RAP1GAP2: variants seen among roughly 807,000 people sequenced by gnomAD.
RAP1GAP2 encodes the protein RAP1 GTPase activating protein 2.
A neutral mutation model predicts 95.0 loss-of-function variants in RAP1GAP2; 27 were observed. That is an observed-to-expected ratio of 0.28 (90% CI 0.21 to 0.39). The LOEUF (loss-of-function observed/expected upper bound fraction) is 0.39. Ranked by LOEUF, RAP1GAP2 falls within the 10% of genes least tolerant of loss-of-function variation. The pLI is 1.00. For missense variants in RAP1GAP2, 771 were observed against 970.0 expected (o/e 0.79, Z 2.72); for synonymous variants, 373 against 380.9 (o/e 0.98, Z 0.24).
At chr17:3,030,511 T>A (rs1166937439) in intron 22 of RAP1GAP2, among the ~76,000 whole-genome samples, 3 of 152,216 alleles carry the variant, frequency 2.0e-5, no homozygotes, top group Non-Finnish European at 4.4e-5. Context: ...GCTACTGACG[T>A]GATGTCCTCG....
chr17:2,882,317 G>A (rs1295593607), intron 2 of RAP1GAP2, among the ~76,000 whole-genome samples: 1 of 147,044 alleles, frequency 6.8e-6, no homozygotes, highest in Non-Finnish European at 1.5e-5. Context: ...TTGGCATAGA[G>A]TCTTACTCTT....
chr17:3,016,606 C>A (rs995939691), intron 17 of RAP1GAP2, among the ~76,000 whole-genome samples: 7 of 152,352 alleles, frequency 4.6e-5, no homozygotes, highest in Middle Eastern at 3.4e-3. Flanking sequence ...CTACACATCT[C>A]GACTTTCCTG....
In RAP1GAP2 at chr17:2,796,478, G is replaced by C; in HGVS notation, c.-50G>C. ...CCACGGCCCTCTTGCGGACAGCCCC[G>C]GGGACGTCGTTGGGACATCGCTGGG... On this transcript the variant is annotated 5_prime_UTR_variant, in exon 1 of 25. Coordinates refer to ENST00000254695, the MANE Select transcript of RAP1GAP2 (RefSeq NM_015085.5). This position sits in a 1 kb window ranked among gnomAD's most constrained non-coding sequence, Gnocchi z 4.7. 6.5e-7 allele frequency: 1 copy of C among 1,549,170 alleles called. No homozygotes were observed. Among genetic ancestry groups the C allele is most frequent in the East Asian group, 2.4e-5 (1 of 40,966 alleles).
intron 11 of RAP1GAP2, among the ~76,000 whole-genome samples, chr17:2,988,932 G>A (rs897014580): frequency 5.9e-5 from 9 of 152,074 alleles, no homozygotes; most frequent in Non-Finnish European, 8.8e-5. Flanking sequence ...GGTAGTGGGC[G>A]CCTGTAGTCC....
intron 2 of RAP1GAP2, among the ~76,000 whole-genome samples, chr17:2,818,607 T>C (rs548366425): frequency 2.0e-5 from 3 of 152,086 alleles, no homozygotes; most frequent in South Asian, 4.1e-4. Flanking sequence ...GGATTGCAGG[T>C]GTGAGCCACC....
In RAP1GAP2 at chr17:3,027,661, G is replaced by A. The variant is rs184219078; in HGVS notation, c.2107+591G>A. 9.1e-4 allele frequency among the ~76,000 whole-genome samples: 139 copies of A among 152,136 alleles called. 1 individual carries two copies. Among genetic ancestry groups the A allele is most frequent in the Non-Finnish European group, 1.7e-3 (117 of 68,006 alleles). ...GGATTTTGTTCTGCTAGCGGCCACT[G>A]TTGGAGTGTTTGAAGGTTCTTAAGT... On this transcript the variant is annotated intron_variant, in intron 22 of 24. Coordinates refer to ENST00000254695, the MANE Select transcript of RAP1GAP2 (RefSeq NM_015085.5). The surrounding 1 kb of genome is among the most constrained non-coding windows in gnomAD (Gnocchi z 5.2).
At chr17:2,765,191 G>C (rs1466731780) in intron 1 of RAP1GAP2, among the ~76,000 whole-genome samples, 2 of 152,164 alleles carry the variant, frequency 1.3e-5, no homozygotes, top group Non-Finnish European at 2.9e-5. Flanking sequence ...TCCTCATCCA[G>C]TACAGATGGC....
chr17:2,760,041 T>G (rs1375625263), intron 1 of RAP1GAP2, among the ~76,000 whole-genome samples: 1 of 152,066 alleles, frequency 6.6e-6, no homozygotes, highest in African/African-American at 2.4e-5. Flanking sequence ...ATGCTGCGAT[T>G]AACAAACTTT....
At position 2,874,678 on chromosome 17, in the gene RAP1GAP2, C is replaced by T. The variant is rs2073010813; in HGVS notation, c.81-30606C>T. Among the ~76,000 whole-genome samples the T allele has an allele frequency of 2.0e-5, 3 of 152,168 alleles. No individual in the cohort carries two copies. In the South Asian group the frequency reaches 6.2e-4, roughly 31 times the overall value. On this transcript the variant is annotated intron_variant, in intron 2 of 24. Transcript: ENST00000254695. ...GGAGGAAATGAGACGGTAGGTGCTA[C>T]ATCACCCATGGAAACAAAGGAGCAG...
chr17:2,963,651 C>CT lies in RAP1GAP2; in HGVS notation c.279+192dup, dbSNP rs2044448272. 6.6e-6 allele frequency among the ~76,000 whole-genome samples: 1 copy of CT among 152,186 alleles called. No homozygotes were observed. The highest frequency in any genetic ancestry group is 2.1e-4 in the South Asian group (1 of 4,834). On this transcript the variant is annotated intron_variant, in intron 6 of 24. Transcript: ENST00000254695. This position sits in a 1 kb window ranked among gnomAD's most constrained non-coding sequence, Gnocchi z 4.8. ...TTAAGTTGGGGGTGCTCATCTAGGC[C>CT]TTTCAGCCCTGGGGCTACAGGGTTG...
At chr17:2,853,422 G>GA (rs2071968569) in intron 2 of RAP1GAP2, among the ~76,000 whole-genome samples, 1 of 152,082 alleles carries the variant, frequency 6.6e-6, no homozygotes, top group Admixed American at 6.5e-5. Flanking sequence ...AAGTATCCGG[G>GA]GCCGGGCCGG....
chr17:2,921,180 G>T (rs930777682), intron 3 of RAP1GAP2, among the ~76,000 whole-genome samples: 1 of 151,782 alleles, frequency 6.6e-6, no homozygotes, highest in African/African-American at 2.4e-5. Context: ...TGAAATAAAA[G>T]GATAAAAGGA....
At chr17:2,854,533 G>A (rs1038034931) in intron 2 of RAP1GAP2, among the ~76,000 whole-genome samples, 1 of 152,246 alleles carries the variant, frequency 6.6e-6, no homozygotes, top group East Asian at 1.9e-4. Context: ...CTCTGCGCTC[G>A]GTGCCGGCAG....
intron 8 of RAP1GAP2, among the ~76,000 whole-genome samples, 187 bp from the exon 9 acceptor site, chr17:2,980,100 C>T (rs553964500): frequency 6.6e-6 from 1 of 151,948 alleles, no homozygotes; most frequent in East Asian, 1.9e-4. Context: ...GCCACCACGT[C>T]TGGCTAATTT....
intron 17 of RAP1GAP2, among the ~76,000 whole-genome samples, chr17:3,009,193 G>A (rs2046431353): frequency 6.6e-6 from 1 of 152,144 alleles, no homozygotes; most frequent in African/African-American, 2.4e-5. Flanking sequence ...CAGGACCCCT[G>A]TCAGAGCCAT....
intron 24 of RAP1GAP2, among the ~76,000 whole-genome samples, chr17:3,032,741 C>T (rs528135143): frequency 2.0e-5 from 3 of 152,288 alleles, no homozygotes; most frequent in South Asian, 4.1e-4. Context: ...CGCCCAAGCC[C>T]GCTTCTGACC....
At chr17:3,002,114 C>A (rs1332013824) in intron 14 of RAP1GAP2, among the ~76,000 whole-genome samples, 1 of 152,156 alleles carries the variant, frequency 6.6e-6, no homozygotes, top group East Asian at 1.9e-4. Context: ...AGGCACCCAC[C>A]ACCATGCCCG....
chr17:2,998,766 TCGC>T (rs2046053114), intron 14 of RAP1GAP2, among the ~76,000 whole-genome samples: 1 of 150,968 alleles, frequency 6.6e-6, no homozygotes, highest in Non-Finnish European at 1.5e-5. Context: ...TGCCATTTGC[TCGC>T]TGTGAGTGTA....
chr17:3,009,760 T>TG (rs983404806), intron 17 of RAP1GAP2, among the ~76,000 whole-genome samples: 2 of 152,004 alleles, frequency 1.3e-5, no homozygotes, highest in Non-Finnish European at 2.9e-5. Flanking sequence ...TGATGGACAG[T>TG]GGGAGCCCGG....
Sources: allele counts gnomAD v4.1 joint callset (sites outside exome capture counted in the v4.1 genomes callset), GRCh38; gene constraint gnomAD v4.1.1; non-coding constraint Gnocchi (gnomAD v3.1); transcripts MANE v1.5; gene names NCBI Gene and HGNC (gene_info 2026-07-23, HGNC 2026-07-21).